The following RHOD variants were observed in gnomAD, a reference collection of about 807,000 sequenced individuals.
RHOD encodes rho-related GTP-binding protein RhoD.
Under a neutral mutation model 16.7 loss-of-function variants are expected in RHOD, and 11 were observed. That is an observed-to-expected ratio of 0.66 (90% CI 0.41 to 1.09). The LOEUF (loss-of-function observed/expected upper bound fraction) is 1.09. Ranked by LOEUF, RHOD falls within the 50% of genes least tolerant of loss-of-function variation. RHOD has a pLI of 0.00. For missense variants in RHOD, 271 were observed against 291.7 expected, an observed-to-expected ratio of 0.93 and a Z score of 0.52; for synonymous variants, 124 against 126.3, an observed-to-expected ratio of 0.98 and a Z score of 0.12.
Position 67,071,802 on chromosome 11 carries a change from C to T in RHOD, c.*200C>T, listed in dbSNP as rs949036545. The T allele has an allele frequency of 7.7e-6, 4 of 520,520 alleles. No individual in the cohort carries two copies. The highest frequency in any genetic ancestry group is 1.3e-5 in the Non-Finnish European group (4 of 303,026). The allele number at this position is 520,520 out of a possible 1,614,324, so 32.2% of individuals were successfully genotyped here. ...GGGCCCACCTGCTCTGTGTAGGGCT[C>T]GTCCTGCGGTGCCCGAGAATCACTC... is the stretch of plus-strand genomic sequence containing the variant. On this transcript the variant is annotated 3_prime_UTR_variant, in exon 5 of 5. Transcript: ENST00000308831.
Position 67,071,811 on chromosome 11 carries a change from G to A in RHOD, c.*209G>A. The A allele has an allele frequency of 9.8e-6, 5 of 508,264 alleles. 1 individual carries two copies. The South Asian group carries it at 1.7e-4, about 17-fold the overall frequency. The allele number at this position is 508,264 out of a possible 1,614,324, so 31.5% of individuals were successfully genotyped here. ...TGCTCTGTGTAGGGCTCGTCCTGCG[G>A]TGCCCGAGAATCACTCGCTAACCCC... is the stretch of plus-strand genomic sequence containing the variant. On this transcript the variant is annotated 3_prime_UTR_variant, in exon 5 of 5. Transcript: ENST00000308831.
intron 2 of RHOD, 25 bp downstream of exon 2, chr11:67,066,008 GT>G: frequency 7.3e-7 from 1 of 1,370,554 alleles, no homozygotes; most frequent in Non-Finnish European, 1.0e-6. Context: ...GTGGGGCAGG[GT>G]GGGAGGGGCT....
At chr11:67,057,602 TGGAAA>T (rs764785673) in intron 1 of RHOD, among the ~76,000 whole-genome samples, 5 of 152,212 alleles carry the variant, frequency 3.3e-5, no homozygotes, top group Non-Finnish European at 5.9e-5. Flanking sequence ...CTCTTGCCGC[TGGAAA>T]GCACATGCCA....
At chr11:67,059,517 C>T (rs955522256) in intron 1 of RHOD, among the ~76,000 whole-genome samples, 4 of 151,474 alleles carry the variant, frequency 2.6e-5, no homozygotes, top group Non-Finnish European at 4.4e-5. Flanking sequence ...CACTCCAGCT[C>T]GGGGACAACA....
chr11:67,061,782 GTGTGTGTGTATATATATATA>G (rs1196389345), intron 1 of RHOD, among the ~76,000 whole-genome samples: 6 of 144,934 alleles, frequency 4.1e-5, no homozygotes, highest in South Asian at 2.2e-4. Flanking sequence ...ATATGTGTGT[GTGTGTGTGTATATATATATA>G]TGTGTGTGTA....
intron 1 of RHOD, among the ~76,000 whole-genome samples, chr11:67,057,682 G>C (rs1854830588): frequency 6.6e-6 from 1 of 152,250 alleles, no homozygotes. Context: ...CCGCGTCTCT[G>C]CTCTCCTCTG....
intron 3 of RHOD, among the ~76,000 whole-genome samples, chr11:67,069,248 A>G (rs551170119): frequency 2.0e-5 from 3 of 152,364 alleles, no homozygotes; most frequent in African/African-American, 7.2e-5. Context: ...GCTGTAGTCC[A>G]GGCTGAAAGA....
chr11:67,064,602 C>G (rs1183843273), intron 1 of RHOD, among the ~76,000 whole-genome samples: 1 of 152,082 alleles, frequency 6.6e-6, no homozygotes, highest in Non-Finnish European at 1.5e-5. Context: ...GGTATTGAGT[C>G]TTTGGTGCCT....
chr11:67,061,140 G>A (rs1459289357), intron 1 of RHOD, among the ~76,000 whole-genome samples: 1 of 152,238 alleles, frequency 6.6e-6, no homozygotes, highest in Non-Finnish European at 1.5e-5. Flanking sequence ...CACTTCTTAT[G>A]TGGCAGCAGG....
At chr11:67,058,171 A>ATTATT (rs1331009504) in intron 1 of RHOD, among the ~76,000 whole-genome samples, 4 of 149,516 alleles carry the variant, frequency 2.7e-5, no homozygotes, top group Admixed American at 1.3e-4. Flanking sequence ...AATTTTTAAA[A>ATTATT]TTATTTTATT....
chr11:67,056,877 C>T lies in RHOD; in HGVS notation c.-26C>T. 1 of 1,370,002 alleles carries T rather than the reference C, an allele frequency of 7.3e-7. No individual in the cohort carries two copies. Among genetic ancestry groups the T allele is most frequent in the Non-Finnish European group, 9.3e-7 (1 of 1,073,302 alleles). The allele number at this position is 1,370,002 out of a possible 1,614,324, so 84.9% of individuals were successfully genotyped here. On this transcript the variant is annotated 5_prime_UTR_variant, in exon 1 of 5. Transcript: ENST00000308831. ...GGGTCTCTGCGCCGCAGCCGCCCGCCCGCCCGCTCAGCGCCCGGCCCCGGG... is the reference window on the plus strand; with the variant it reads ...GGGTCTCTGCGCCGCAGCCGCCCGCTCGCCCGCTCAGCGCCCGGCCCCGGG...
At chr11:67,070,271 G>C (rs1190889949) in intron 3 of RHOD, 154 bp from the exon 4 acceptor site, 2 of 819,938 alleles carry the variant, frequency 2.4e-6, no homozygotes, top group Admixed American at 4.0e-5. Context: ...TCTTAGATGA[G>C]GTTCTGGTAC....
chr11:67,057,148 G>T, intron 1 of RHOD, 114 bp downstream of exon 1: 1 of 1,254,676 alleles, frequency 8.0e-7, no homozygotes. Flanking sequence ...GGGTGTCCCA[G>T]CGGGGCCTGG....
At chr11:67,067,025 G>A (rs1267776309) in intron 3 of RHOD, among the ~76,000 whole-genome samples, 178 bp downstream of exon 3, 1 of 152,216 alleles carries the variant, frequency 6.6e-6, no homozygotes, top group Non-Finnish European at 1.5e-5. Flanking sequence ...CTTGCCCAGG[G>A]TTGCTGGCAC....
At chr11:67,068,720 T>C (rs1854989013) in intron 3 of RHOD, among the ~76,000 whole-genome samples, 2 of 151,928 alleles carry the variant, frequency 1.3e-5, no homozygotes, top group South Asian at 4.2e-4. Flanking sequence ...GGCAGGAGAA[T>C]TGCTTGAACC....
chr11:67,068,895 A>G (rs969056426), intron 3 of RHOD, among the ~76,000 whole-genome samples: 5 of 152,012 alleles, frequency 3.3e-5, no homozygotes, highest in African/African-American at 1.2e-4. Context: ...GGTGTGGGGA[A>G]TCTGCCAGGG....
At position 67,066,617 on chromosome 11, in the gene RHOD, G is replaced by A. The variant is rs1020967644; in HGVS notation, c.221-121G>A. On this transcript the variant is annotated intron_variant, in intron 2 of 4. Transcript: ENST00000308831. ...GAGCCAAATTTGTGCCAAACTCTGA[G>A]GCAAAAAACTAGGCCCTGTCCCCAG... The A allele has an allele frequency of 6.5e-5, 48 of 735,952 alleles. 1 individual carries two copies. Among genetic ancestry groups the A allele is most frequent in the East Asian group, 4.9e-4 (20 of 40,412 alleles). 45.6% of individuals were successfully genotyped at this position (735,952 alleles called of 1,614,324 possible). A position where few individuals can be genotyped will look rare whatever the true frequency, so the allele number is the denominator to read the frequency against.
chr11:67,063,091 G>C (rs5006007), intron 1 of RHOD, among the ~76,000 whole-genome samples: 42,515 of 151,864 alleles, frequency 0.28, 7,181 homozygotes, highest in South Asian at 0.51. Context: ...AAGAAGAAAG[G>C]CCCAAACATG....
At chr11:67,069,729 G>T (rs1218100861) in intron 3 of RHOD, among the ~76,000 whole-genome samples, 1 of 151,094 alleles carries the variant, frequency 6.6e-6, no homozygotes, top group Non-Finnish European at 1.5e-5. Flanking sequence ...GTTTCACTCT[G>T]TCGCCCAGGC....
Sources: allele counts gnomAD v4.1 joint callset (sites outside exome capture counted in the v4.1 genomes callset), GRCh38; gene constraint gnomAD v4.1.1; transcripts MANE v1.5; gene names NCBI Gene and HGNC (gene_info 2026-07-23, HGNC 2026-07-21).